Variants in ALG13 observed in about 807,000 individuals in gnomAD.
ALG13 encodes ALG13 UDP-N-acetylglucosaminyltransferase subunit, also known as UDP-N-acetylglucosamine transferase subunit ALG13.
Under a neutral mutation model 87.8 loss-of-function variants are expected in ALG13, and 11 were observed. The ratio of observed to expected loss-of-function variants is 0.13; its 90% CI spans 0.08 to 0.21. ALG13 has a LOEUF of 0.21. ALG13 is among the 10% of genes least tolerant of loss of function. ALG13 has a pLI of 1.00. For synonymous variants in ALG13, 320 were observed against 306.3 expected, an observed-to-expected ratio of 1.04 and a Z score of -0.47; for missense variants, 756 against 866.1, an observed-to-expected ratio of 0.87 and a Z score of 1.60.
intron 3 of ALG13, among the ~76,000 whole-genome samples, chrX:111,686,403 C>T (rs922886840): frequency 4.5e-5 from 5 of 112,227 alleles, no homozygotes; most frequent in Non-Finnish European, 9.4e-5. Flanking sequence ...CTTATTCATT[C>T]ATTAAATATT....
chrX:111,728,197 C>G lies in ALG13; in HGVS notation c.2260C>G (p.Pro754Ala). ...CTCTCTGATACAGAATCATGGAGGT[C>G]CCTCTACAATGGTTCCTGCTACTTC... ...AYPTLPNHGG[P>A]STMVPATSGY... The change falls in exon 19 of 27, where the codon CCC becomes GCC. Residue 754 changes from proline to alanine, a missense_variant. Pro to Ala is a conservative substitution (Grantham distance 27). This residue lies in a region of ALG13 where 362 missense variants were observed against 383.5 expected (regional missense o/e 0.94). Transcript: ENST00000394780. The G allele has an allele frequency of 4.1e-6, 5 of 1,211,018 alleles. No homozygotes were observed. The South Asian group carries it at 8.8e-5, about 21-fold the overall frequency.
chrX:111,712,514 C>T lies in ALG13; in HGVS notation c.916C>T (p.Leu306Phe). ...TGCTGGCCAGCTGGAAATAAGAGCT[C>T]TTTCTCTAATTTATAAGTAAGTTAT... ...ESAGQLEIRA[L>F]SLIYNRDFIL... The change falls in exon 7 of 27, where the codon CTT becomes TTT. Residue 306 changes from leucine to phenylalanine, a missense_variant. Leu to Phe is a conservative substitution (Grantham distance 22). Transcript: ENST00000394780. 8.5e-7 allele frequency: 1 copy of T among 1,174,487 alleles called. No homozygotes were observed.
chrX:111,723,401 G>C, intron 13 of ALG13, among the ~76,000 whole-genome samples: 1 of 110,097 alleles, frequency 9.1e-6, no homozygotes, highest in Admixed American at 9.8e-5. Flanking sequence ...GCCTCCCAAA[G>C]TGCTGGGATT....
At chrX:111,732,116 T>G (rs1942760859) in intron 21 of ALG13, among the ~76,000 whole-genome samples, 1 of 111,799 alleles carries the variant, frequency 8.9e-6, no homozygotes, top group African/African-American at 3.3e-5. Context: ...TCTATTCCCT[T>G]TCATTCCTGC....
At chrX:111,711,055 G>C (rs1403994028) in intron 5 of ALG13, 2 of 112,570 alleles carry the variant, frequency 1.8e-5, no homozygotes, top group Non-Finnish European at 3.8e-5. Flanking sequence ...TTTTTTAAAA[G>C]TCTAGTGATA....
At chrX:111,695,511 G>A (rs1232900779) in intron 3 of ALG13, among the ~76,000 whole-genome samples, 13 of 104,462 alleles carry the variant, frequency 1.2e-4, no homozygotes, top group African/African-American at 4.2e-4. Context: ...CAACAAGAGC[G>A]AAACTCTGTT....
At chrX:111,731,756 T>C (rs1410629124) in intron 21 of ALG13, among the ~76,000 whole-genome samples, 1 of 112,399 alleles carries the variant, frequency 8.9e-6, no homozygotes, top group African/African-American at 3.2e-5. Context: ...TCTATAGATA[T>C]ACTACTAAGA....
intron 19 of ALG13, 142 bp downstream of exon 19, chrX:111,728,447 C>T: frequency 2.9e-6 from 2 of 686,221 alleles, no homozygotes; most frequent in South Asian, 3.0e-5. Flanking sequence ...GTTCTTAATG[C>T]TTGCTGGGTT....
intron 8 of ALG13, among the ~76,000 whole-genome samples, chrX:111,717,496 T>A (rs1940785789): frequency 9.0e-6 from 1 of 110,558 alleles, no homozygotes; most frequent in South Asian, 3.8e-4. Context: ...TTTTGGCATC[T>A]GTTAGGCTTT....
At chrX:111,758,891 G>T (rs1945498708) in intron 26 of ALG13, among the ~76,000 whole-genome samples, 1 of 111,665 alleles carries the variant, frequency 9.0e-6, no homozygotes, top group Non-Finnish European at 1.9e-5. Context: ...CCTGAGGTCA[G>T]GAGTTCGTAC....
chrX:111,751,822 A>G, intron 24 of ALG13, among the ~76,000 whole-genome samples: 1 of 112,048 alleles, frequency 8.9e-6, no homozygotes, highest in East Asian at 2.8e-4. Context: ...CTCAGGTTAT[A>G]TTACTTTATA....
At chrX:111,730,660 TTTAAATC>T in intron 21 of ALG13, 80 bp downstream of exon 21, 1 of 771,469 alleles carries the variant, frequency 1.3e-6, no homozygotes, top group Non-Finnish European at 1.9e-6. Context: ...TATAAATGTA[TTTAAATC>T]AGAACAACCC....
At chrX:111,720,280 G>C in intron 11 of ALG13, 110 bp downstream of exon 11, 23 of 409,369 alleles carry the variant, frequency 5.6e-5, no homozygotes, top group South Asian at 1.0e-4. Flanking sequence ...TGAGGGAGGA[G>C]TTGGTCATTT....
chrX:111,741,409 G>C (rs183297610), intron 23 of ALG13, among the ~76,000 whole-genome samples: 5 of 112,384 alleles, frequency 4.4e-5, no homozygotes, highest in Admixed American at 3.8e-4. Context: ...CAAAACAACA[G>C]TTGGTTATGG....
chrX:111,694,055 T>A (rs774177731), intron 3 of ALG13, among the ~76,000 whole-genome samples: 73 of 110,987 alleles, frequency 6.6e-4, no homozygotes, highest in African/African-American at 1.6e-3. Context: ...TTATTTATTT[T>A]TTTTTTGAGA....
intron 13 of ALG13, among the ~76,000 whole-genome samples, chrX:111,723,426 G>T (rs191584252): frequency 9.0e-6 from 1 of 110,560 alleles, no homozygotes; most frequent in Non-Finnish European, 1.9e-5. Flanking sequence ...GTGTGAGCCA[G>T]TGCACCTGGA....
At chrX:111,728,655 CT>C (rs1942333780) in intron 19 of ALG13, among the ~76,000 whole-genome samples, 1 of 111,151 alleles carries the variant, frequency 9.0e-6, no homozygotes, top group East Asian at 2.8e-4. Context: ...ATATGTTAGG[CT>C]TTTCGTGTGA....
At chrX:111,718,881 A>G (rs565610972) in intron 10 of ALG13, among the ~76,000 whole-genome samples, 6 of 112,012 alleles carry the variant, frequency 5.4e-5, no homozygotes, top group African/African-American at 1.9e-4. Flanking sequence ...TGGGTTTGAA[A>G]TAATAAAGTA....
At chrX:111,756,568 T>G (rs1945278329) in intron 25 of ALG13, among the ~76,000 whole-genome samples, 1 of 111,239 alleles carries the variant, frequency 9.0e-6, no homozygotes, top group African/African-American at 3.3e-5. Flanking sequence ...GTGAGAGCTC[T>G]TTTATTTTAG....
Sources: allele counts gnomAD v4.1 joint callset (sites outside exome capture counted in the v4.1 genomes callset), GRCh38; gene constraint gnomAD v4.1.1; regional missense constraint gnomAD v4.1.1; transcripts MANE v1.5; gene names NCBI Gene and HGNC (gene_info 2026-07-23, HGNC 2026-07-21).